Variants in LY86 observed in about 807,000 individuals in gnomAD.
LY86 encodes the protein lymphocyte antigen 86.
A neutral mutation model predicts 17.3 loss-of-function variants in LY86; 20 were observed. That is an observed-to-expected ratio of 1.15 (90% CI 0.81 to 1.68). The LOEUF (loss-of-function observed/expected upper bound fraction) is 1.68, where lower values mean the gene tolerates loss of function less well. LY86 is among the 40% of genes most tolerant of loss of function. The pLI, the probability that LY86 is intolerant of heterozygous loss-of-function variation, is 0.00. For synonymous variants in LY86, 74 were observed against 70.6 expected (o/e 1.05, Z -0.24); for missense variants, 200 against 191.9 (o/e 1.04, Z -0.25).
Position 6,654,946 on chromosome 6 carries a change from C to T in LY86, c.*319C>T, listed in dbSNP as rs747740389. 3.4e-6 allele frequency: 1 copy of T among 293,668 alleles called. No homozygotes were observed. Among genetic ancestry groups the T allele is most frequent in the Non-Finnish European group, 6.3e-6 (1 of 158,916 alleles). 18.2% of individuals were successfully genotyped at this position (293,668 alleles called of 1,614,324 possible). On this transcript the variant is annotated 3_prime_UTR_variant, in exon 5 of 5. Coordinates refer to ENST00000230568, the MANE Select transcript of LY86 (RefSeq NM_004271.4). ...GCTTTTCAACTTTTTAGGAGTGCTT[C>T]CTCACAGTTACCAAGAATAAAGAAA...
At chr6:6,642,514 A>T (rs1762054066) in intron 3 of LY86, among the ~76,000 whole-genome samples, 1 of 152,204 alleles carries the variant, frequency 6.6e-6, no homozygotes, top group Non-Finnish European at 1.5e-5. Flanking sequence ...AATCCATGGA[A>T]ACCTGAAGAA....
chr6:6,638,586 ACAGAACATTCC>A (rs139274130), intron 3 of LY86, among the ~76,000 whole-genome samples: 43,367 of 151,946 alleles, frequency 0.29, 6,386 homozygotes, highest in Middle Eastern at 0.38. Context: ...TGGCGTAGAC[ACAGAACATTCC>A]CATTTTTGTG....
chr6:6,610,145 A>ACGTG (rs1761294794), intron 1 of LY86, among the ~76,000 whole-genome samples: 1 of 152,292 alleles, frequency 6.6e-6, no homozygotes, highest in African/African-American at 2.4e-5. Flanking sequence ...AAGAGCGAAC[A>ACGTG]CGTGCGTGCG....
intron 1 of LY86, among the ~76,000 whole-genome samples, chr6:6,622,152 G>A (rs1307321912): frequency 6.6e-6 from 1 of 152,170 alleles, no homozygotes; most frequent in Admixed American, 6.5e-5. Context: ...GCAGCCTACA[G>A]CTTTCTTTGT....
intron 1 of LY86, chr6:6,620,852 G>A (rs974715641): frequency 6.6e-6 from 1 of 152,282 alleles, no homozygotes; most frequent in African/African-American, 2.4e-5. Flanking sequence ...AACTTTTCTA[G>A]AAGAGATTTG....
chr6:6,613,608 G>A (rs577431090), intron 1 of LY86, among the ~76,000 whole-genome samples: 1 of 152,148 alleles, frequency 6.6e-6, no homozygotes, highest in African/African-American at 2.4e-5. Flanking sequence ...CGCGCCGCCC[G>A]GGTTCCCGCC....
intron 3 of LY86, 116 bp downstream of exon 3, chr6:6,626,537 C>A: frequency 2.7e-6 from 3 of 1,130,384 alleles, no homozygotes; most frequent in Non-Finnish European, 3.8e-6. Context: ...CGCCTTTGGA[C>A]GAGCTTATCC....
At chr6:6,648,447 ATCC>A (rs1447706936) in intron 3 of LY86, among the ~76,000 whole-genome samples, 2 of 151,908 alleles carry the variant, frequency 1.3e-5, no homozygotes, top group Non-Finnish European at 2.9e-5. Flanking sequence ...ATCTCCCTCT[ATCC>A]TCCTAATTTC....
chr6:6,623,140 G>T (rs1238177834), intron 1 of LY86, among the ~76,000 whole-genome samples: 2 of 152,216 alleles, frequency 1.3e-5, no homozygotes, highest in African/African-American at 2.4e-5. Flanking sequence ...GAGAGAATTT[G>T]ATATAGGAAG....
At chr6:6,591,123 G>C (rs1463715275) in intron 1 of LY86, 2 of 153,706 alleles carry the variant, frequency 1.3e-5, no homozygotes, top group Admixed American at 6.5e-5. Flanking sequence ...CTTGCATAAA[G>C]GTTGCCACAG....
intron 1 of LY86, among the ~76,000 whole-genome samples, chr6:6,619,260 C>CT (rs1474198906): frequency 1.3e-5 from 2 of 152,182 alleles, no homozygotes; most frequent in African/African-American, 4.8e-5. Context: ...AAAGCAAGGT[C>CT]TGTTTGTTAT....
At chr6:6,612,417 C>T (rs1052742844) in intron 1 of LY86, among the ~76,000 whole-genome samples, 4 of 152,184 alleles carry the variant, frequency 2.6e-5, no homozygotes, top group Admixed American at 6.5e-5. Flanking sequence ...GTCTCACTGG[C>T]CTCATAAAAG....
At chr6:6,637,133 C>T (rs1452524536) in intron 3 of LY86, among the ~76,000 whole-genome samples, 1 of 151,742 alleles carries the variant, frequency 6.6e-6, no homozygotes, top group Non-Finnish European at 1.5e-5. Flanking sequence ...CTGCCTTAGC[C>T]TCCCGAGGAG....
At chr6:6,612,463 T>A (rs932497349) in intron 1 of LY86, among the ~76,000 whole-genome samples, 1 of 152,160 alleles carries the variant, frequency 6.6e-6, no homozygotes, top group Admixed American at 6.5e-5. Flanking sequence ...TTACACTTCA[T>A]AAAAGCAATG....
At chr6:6,605,322 G>A (rs1042341151) in intron 1 of LY86, among the ~76,000 whole-genome samples, 18 of 152,176 alleles carry the variant, frequency 1.2e-4, no homozygotes, top group Non-Finnish European at 2.4e-4. Context: ...TGGTTTAGTT[G>A]GGGGTCTCTG....
intron 3 of LY86, among the ~76,000 whole-genome samples, chr6:6,646,614 C>T (rs1461672630): frequency 3.3e-5 from 5 of 152,184 alleles, no homozygotes; most frequent in African/African-American, 1.2e-4. Flanking sequence ...ATCCTGCCAG[C>T]TCACCAATTC....
chr6:6,651,131 C>T (rs552700043), intron 4 of LY86, among the ~76,000 whole-genome samples: 7 of 152,276 alleles, frequency 4.6e-5, no homozygotes, highest in African/African-American at 1.7e-4. Context: ...TACATAGACA[C>T]TTAGGTTGAT....
At chr6:6,652,296 G>A (rs1762199841) in intron 4 of LY86, among the ~76,000 whole-genome samples, 1 of 152,082 alleles carries the variant, frequency 6.6e-6, no homozygotes, top group Admixed American at 6.5e-5. Context: ...GGCCCGCAAT[G>A]CACGGAGGCT....
At position 6,612,584 on chromosome 6, in the gene LY86, AC is replaced by A. The variant is rs1761411354; in HGVS notation, c.137-12341del. The stretch of plus-strand genomic sequence containing the variant: ...TGTCACTAGTGGAGCCTGCAGCCTG[AC>A]TTTATTCTCTTATCTGGCCCCTCCC... On this transcript the variant is annotated intron_variant, in intron 1 of 4. Transcript: ENST00000230568. 4.7e-5 allele frequency among the ~76,000 whole-genome samples: 7 copies of A among 148,088 alleles called. No individual in the cohort carries two copies. In the South Asian group the frequency reaches 1.6e-3, roughly 33 times the overall value.
Sources: gnomAD v4.1 joint callset for allele counts (sites outside exome capture counted in the v4.1 genomes callset) on GRCh38, gnomAD v4.1.1 for gene constraint, MANE v1.5 for transcripts, NCBI Gene and HGNC (gene_info 2026-07-23, HGNC 2026-07-21) for gene names.